The following ELMO1 variants were observed in gnomAD, a reference collection of about 807,000 sequenced individuals.
ELMO1 encodes the protein engulfment and cell motility 1.
ELMO1 carries 26 observed loss-of-function variants against 98.9 expected under a neutral mutation model. The observed-to-expected ratio is 0.26, with a 90% CI of 0.19 to 0.36. The LOEUF is 0.36. Among genes scored for constraint, ELMO1 ranks in the 10% least tolerant of loss-of-function variants. The pLI is 1.00. For synonymous variants in ELMO1, 346 were observed against 346.0 expected (o/e 1.00, Z 0.00); for missense variants, 627 against 935.2 (o/e 0.67, Z 4.30).
chr7:36,890,892 G>A (rs1805491926), intron 17 of ELMO1, among the ~76,000 whole-genome samples: 1 of 152,146 alleles, frequency 6.6e-6, no homozygotes, highest in Non-Finnish European at 1.5e-5. Context: ...CTCCCCCTCA[G>A]TTATTCTGCT....
rs570855053 is a variant in ELMO1 at position 37,351,612 on chromosome 7, TA to T, written c.-73-8850del. 4.0e-3 allele frequency among the ~76,000 whole-genome samples: 608 copies of T among 152,358 alleles called. 6 individuals are homozygous for T. The highest frequency in any genetic ancestry group is 0.014 in the African/African-American group (589 of 41,574). ...CTAACACTTTTCCTTCAGTTCTCTGTACTACCCTAACATCCTTCCTAGATAG... is the reference window on the plus strand; with the variant it reads ...CTAACACTTTTCCTTCAGTTCTCTGTCTACCCTAACATCCTTCCTAGATAG... On this transcript the variant is annotated intron_variant, in intron 1 of 21. Coordinates refer to ENST00000310758, the MANE Select transcript of ELMO1 (RefSeq NM_014800.11).
At chr7:37,248,726 C>T (rs1432056720) in intron 6 of ELMO1, among the ~76,000 whole-genome samples, 2 of 152,206 alleles carry the variant, frequency 1.3e-5, no homozygotes, top group Non-Finnish European at 2.9e-5. Flanking sequence ...AAGTGCAAAA[C>T]GTGCATGGTG....
Position 37,027,761 on chromosome 7 carries a change from C to T in ELMO1, c.1301-14326G>A, listed in dbSNP as rs541708519. 2.3e-3 allele frequency among the ~76,000 whole-genome samples: 345 copies of T among 152,092 alleles called. 3 individuals carry two copies. The highest frequency in any genetic ancestry group is 7.8e-3 in the African/African-American group (322 of 41,494). On this transcript the variant is annotated intron_variant, in intron 15 of 21. Transcript: ENST00000310758. Reference sequence around the variant, plus strand: ...CTTAGCACATGAACACAACCCCAGACCCCAAGAAGCATATCCTCCAGCACT... The same window carrying T: ...CTTAGCACATGAACACAACCCCAGATCCCAAGAAGCATATCCTCCAGCACT...
intron 16 of ELMO1, among the ~76,000 whole-genome samples, chr7:36,973,282 T>C (rs566500132): frequency 6.6e-6 from 1 of 152,322 alleles, no homozygotes; most frequent in East Asian, 1.9e-4. Flanking sequence ...GCTGTTCTTT[T>C]TCTCCCCTAG....
intron 16 of ELMO1, among the ~76,000 whole-genome samples, chr7:37,005,866 A>T (rs1467209973): frequency 6.6e-6 from 1 of 151,940 alleles, no homozygotes; most frequent in African/African-American, 2.4e-5. Context: ...CCTGCTCTCC[A>T]TTACTGTGGA....
intron 13 of ELMO1, among the ~76,000 whole-genome samples, chr7:37,179,684 G>T (rs1481020745): frequency 6.6e-6 from 1 of 151,914 alleles, no homozygotes; most frequent in Non-Finnish European, 1.5e-5. Flanking sequence ...CTTGGGCAAG[G>T]CTGGCTACAT....
At chr7:37,317,292 G>A (rs1799235423) in intron 2 of ELMO1, among the ~76,000 whole-genome samples, 1 of 152,108 alleles carries the variant, frequency 6.6e-6, no homozygotes, top group East Asian at 1.9e-4. Flanking sequence ...TCTCCCACTG[G>A]AGCTCAATCC....
At chr7:37,130,000 G>T (rs989566317) in intron 14 of ELMO1, among the ~76,000 whole-genome samples, 2 of 152,120 alleles carry the variant, frequency 1.3e-5, no homozygotes, top group Non-Finnish European at 2.9e-5. Flanking sequence ...TCCACATGAG[G>T]TAGTACTCTC....
chr7:37,163,720 CT>C (rs1236181807), intron 13 of ELMO1, among the ~76,000 whole-genome samples: 2 of 152,206 alleles, frequency 1.3e-5, no homozygotes, highest in Admixed American at 1.3e-4. Flanking sequence ...GCCACGTTTT[CT>C]TAATCCAGTC....
intron 13 of ELMO1, among the ~76,000 whole-genome samples, chr7:37,195,459 A>G (rs1424091029): frequency 6.6e-6 from 1 of 152,230 alleles, no homozygotes; most frequent in East Asian, 1.9e-4. Context: ...TCTACAGGTG[A>G]CCGATGGGAC....
At chr7:37,257,876 G>A (rs1021780216) in intron 6 of ELMO1, among the ~76,000 whole-genome samples, 2 of 150,928 alleles carry the variant, frequency 1.3e-5, no homozygotes, top group Admixed American at 6.6e-5. Context: ...TCACACGCCT[G>A]TAGTCCCAGC....
intron 13 of ELMO1, among the ~76,000 whole-genome samples, chr7:37,195,371 A>T (rs1225751086): frequency 1.3e-5 from 2 of 152,244 alleles, no homozygotes; most frequent in Non-Finnish European, 2.9e-5. Flanking sequence ...GAATCAACAC[A>T]TTAGTCTCTT....
chr7:36,989,348 C>G (rs1382699528), intron 16 of ELMO1, among the ~76,000 whole-genome samples: 1 of 152,164 alleles, frequency 6.6e-6, no homozygotes, highest in African/African-American at 2.4e-5. Flanking sequence ...CCACAAGGAT[C>G]ACCTACATTA....
intron 13 of ELMO1, among the ~76,000 whole-genome samples, chr7:37,200,981 CTTAATATTTTTAGGAGT>C (rs1301812346): frequency 1.3e-5 from 2 of 151,666 alleles, no homozygotes; most frequent in African/African-American, 2.4e-5. Flanking sequence ...ATAAATTCCC[CTTAATATTTTTAGGAGT>C]GAGGAAAGAA....
At chr7:37,143,466 G>GCA (rs1787771841) in intron 13 of ELMO1, among the ~76,000 whole-genome samples, 1 of 150,672 alleles carries the variant, frequency 6.6e-6, no homozygotes, top group Non-Finnish European at 1.5e-5. Context: ...GAGTGCAGTG[G>GCA]TGCAATCTCG....
intron 16 of ELMO1, among the ~76,000 whole-genome samples, chr7:36,962,428 C>T (rs1374893701): frequency 1.3e-5 from 2 of 152,112 alleles, no homozygotes; most frequent in Non-Finnish European, 2.9e-5. Flanking sequence ...GCGTGGGAGC[C>T]AAACCCAAGA....
At chr7:36,921,299 C>G (rs1785137419) in intron 16 of ELMO1, among the ~76,000 whole-genome samples, 3 of 152,292 alleles carry the variant, frequency 2.0e-5, no homozygotes, top group African/African-American at 7.2e-5. Flanking sequence ...CCCACTGGAC[C>G]AAATCTTCTG....
At chr7:37,111,037 T>C (rs73123111) in intron 14 of ELMO1, among the ~76,000 whole-genome samples, 2,623 of 152,350 alleles carry the variant, frequency 0.017, 27 homozygotes, top group Non-Finnish European at 0.027. Context: ...CACCACATTC[T>C]ACCAGCATCA....
Position 37,182,455 on chromosome 7 carries a change from T to G in ELMO1, c.1086+28931A>C, listed in dbSNP as rs930680390. ...CATAGGAAGATCATGAGTGCTCTTGTGCTCTACTTTTTTTTTTTTTTTTTT... is the reference window on the plus strand; with the variant it reads ...CATAGGAAGATCATGAGTGCTCTTGGGCTCTACTTTTTTTTTTTTTTTTTT... On this transcript the variant is annotated intron_variant, in intron 13 of 21. Transcript: ENST00000310758. 1.9e-3 allele frequency among the ~76,000 whole-genome samples: 8 copies of G among 4,274 alleles called. 3 individuals carry two copies. The highest frequency in any genetic ancestry group is 4.1e-3 in the Admixed American group (2 of 490). 2.8% of individuals were successfully genotyped at this position (4,274 alleles called of 152,430 possible).
Sources: allele counts gnomAD v4.1 joint callset (sites outside exome capture counted in the v4.1 genomes callset), GRCh38; gene constraint gnomAD v4.1.1; transcripts MANE v1.5; gene names NCBI Gene and HGNC (gene_info 2026-07-23, HGNC 2026-07-21).